CCR7: variants seen among roughly 807,000 people sequenced by gnomAD.
The protein encoded by CCR7 is C-C chemokine receptor type 7.
CCR7 carries 11 observed loss-of-function variants against 26.0 expected under a neutral mutation model. That is an observed-to-expected ratio of 0.42 (90% CI 0.27 to 0.70). The LOEUF (loss-of-function observed/expected upper bound fraction) is 0.70, where lower values mean the gene tolerates loss of function less well. CCR7 is among the 30% of genes least tolerant of loss of function. CCR7 has a pLI of 0.23. For synonymous variants in CCR7, 189 were observed against 202.1 expected (o/e 0.94, Z 0.55); for missense variants, 360 against 504.0 (o/e 0.71, Z 2.74).
intron 1 of CCR7, among the ~76,000 whole-genome samples, chr17:40,563,394 T>C (rs1190301611): frequency 7.9e-5 from 12 of 152,218 alleles, no homozygotes; most frequent in Non-Finnish European, 1.5e-4. Context: ...GTTCATTTTT[T>C]CCTTGCTTTG....
rs375301390 is a variant in CCR7, at chr17:40,555,119, G to A, written c.760C>T (p.Arg254Cys). ...ATGGCCTTGTTGCGCTCAAAGTTGC[G>A]TGCCTGGAGCAGGGTGCGGATGATG... Reference protein sequence around the residue: ...LVIIRTLLQARNFERNKAIKV... With the variant: ...LVIIRTLLQACNFERNKAIKV... Residue 254 changes from arginine to cysteine, a missense_variant, in exon 3 of 3, where the codon CGC becomes TGC. Arg to Cys is a radical substitution (Grantham distance 180, BLOSUM62 -3). Transcript: ENST00000246657. The surrounding 1 kb of genome is among the most constrained non-coding windows in gnomAD (Gnocchi z 5.6). 6 of 1,613,994 alleles carry A rather than the reference G, an allele frequency of 3.7e-6. No homozygotes were observed. The East Asian group carries it at 8.9e-5, about 24-fold the overall frequency.
rs1426858957 is a variant in CCR7 at position 40,555,550 on chromosome 17, G to A, written c.329C>T (p.Thr110Ile). ...CGCGCTGTAGGCCCAGAAGGGAAGG[G>A]TCAGGAGGAAGAGGATGTCTGCCAC... ...LAVADILFLL[T>I]LPFWAYSAAK... Residue 110 changes from threonine (T) to isoleucine (I), a missense_variant, in exon 3 of 3, where the codon ACC becomes ATC. Coordinates refer to ENST00000246657, the MANE Select transcript of CCR7 (RefSeq NM_001838.4). This position sits in a 1 kb window ranked among gnomAD's most constrained non-coding sequence, Gnocchi z 5.6. 7 of 1,614,134 alleles carry A rather than the reference G, an allele frequency of 4.3e-6. No homozygotes were observed. The highest frequency in any genetic ancestry group is 5.9e-6 in the Non-Finnish European group (7 of 1,180,030).
chr17:40,561,582 C>T (rs1199861942), intron 1 of CCR7, among the ~76,000 whole-genome samples: 4 of 152,072 alleles, frequency 2.6e-5, no homozygotes, highest in Middle Eastern at 3.2e-3. Flanking sequence ...GAACTCCAAC[C>T]GGAGCCCCCA....
At chr17:40,565,288 C>A in intron 1 of CCR7, 112 bp downstream of exon 1, 1 of 937,182 alleles carries the variant, frequency 1.1e-6, no homozygotes, top group Non-Finnish European at 1.8e-6. Flanking sequence ...CTGATTTCTC[C>A]AGGAAGCACC....
At position 40,555,068 on chromosome 17, in the gene CCR7, C is replaced by A. The variant is rs941995546; in HGVS notation, c.811G>T (p.Val271Phe). 6.2e-7 allele frequency: 1 copy of A among 1,614,160 alleles called. No homozygotes were observed. Residue 271 changes from valine to phenylalanine, a missense_variant, in exon 3 of 3, where the codon GTC becomes TTC. Physicochemically the swap from Val to Phe is conservative, Grantham distance 50. Transcript: ENST00000246657. The surrounding 1 kb of genome is among the most constrained non-coding windows in gnomAD (Gnocchi z 5.6). Reference protein sequence around the residue: ...AIKVIIAVVVVFIVFQLPYNG... With the variant: ...AIKVIIAVVVFFIVFQLPYNG... ...TAGGGCAGCTGGAAGACTATGAAGA[C>A]CACGACCACAGCGATGATCACCTTG...
chr17:40,554,794 C>T lies in CCR7; in HGVS notation c.1085G>A (p.Arg362Gln), dbSNP rs761014378. 5.0e-5 allele frequency: 80 copies of T among 1,613,970 alleles called. No individual in the cohort carries two copies. Among genetic ancestry groups the T allele is most frequent in the South Asian group, 1.2e-4 (11 of 91,074 alleles). ...GGCCTCCACACTCATGGAGGAGCGC[C>T]GGATGTGCCGACAGGAAGACCACTG... is the stretch of plus-strand genomic sequence containing the variant. ...LRQWSSCRHI[R>Q]RSSMSVEAET... The change falls in exon 3 of 3, where the codon CGG becomes CAG. Residue 362 changes from arginine to glutamine, a missense_variant. By Grantham distance (43) the Arg-to-Gln change is conservative (BLOSUM62 1). Coordinates refer to ENST00000246657, the MANE Select transcript of CCR7 (RefSeq NM_001838.4).
rs2036571291 is a variant in CCR7 at position 40,555,292 on chromosome 17, T to C, written c.587A>G (p.Tyr196Cys). 3 of 1,614,068 alleles carry C rather than the reference T, an allele frequency of 1.9e-6. No homozygotes were observed. Among genetic ancestry groups the C allele is most frequent in the African/African-American group, 1.3e-5 (1 of 74,922 alleles). ...ATVLSIPELL[Y>C]SDLQRSSSEQ... ...ACTGCTGCTCCTCTGGAGGTCACTGTACAGGAGCTCTGGGATGGAGAGCAC... is the reference window on the plus strand; with the variant it reads ...ACTGCTGCTCCTCTGGAGGTCACTGCACAGGAGCTCTGGGATGGAGAGCAC... Residue 196 changes from tyrosine to cysteine, a missense_variant, in exon 3 of 3, where the codon TAC becomes TGC. By Grantham distance (194) the Tyr-to-Cys change is radical. Transcript: ENST00000246657. The surrounding 1 kb of genome is among the most constrained non-coding windows in gnomAD (Gnocchi z 5.6).
At chr17:40,564,576 G>A (rs1464022068) in intron 1 of CCR7, among the ~76,000 whole-genome samples, 1 of 152,220 alleles carries the variant, frequency 6.6e-6, no homozygotes, top group African/African-American at 2.4e-5. Context: ...GTCTGGAGCT[G>A]GATGAACCAC....
chr17:40,555,042 G>C lies in CCR7; in HGVS notation c.837C>G (p.Tyr279Ter). 1 of 1,614,226 alleles carries C rather than the reference G, an allele frequency of 6.2e-7. No homozygotes were observed. Among genetic ancestry groups the C allele is most frequent in the South Asian group, 1.1e-5 (1 of 91,082 alleles). ...VVVFIVFQLP[Y>*]NGVVLAQTVA... ...CCGTCTGGGCCAGGACCACCCCATT[G>C]TAGGGCAGCTGGAAGACTATGAAGA... Residue 279 changes from tyrosine to a stop codon, truncating the protein, a stop_gained, in exon 3 of 3, where the codon TAC becomes TAG. Transcript: ENST00000246657. LOFTEE classifies it high-confidence loss of function. This position sits in a 1 kb window ranked among gnomAD's most constrained non-coding sequence, Gnocchi z 5.6.
At chr17:40,563,706 C>T (rs919829303) in intron 1 of CCR7, among the ~76,000 whole-genome samples, 1 of 152,112 alleles carries the variant, frequency 6.6e-6, no homozygotes, top group Non-Finnish European at 1.5e-5. Context: ...GGGGCTCTCT[C>T]AAGTTGAGTG....
intron 1 of CCR7, 39 bp from the exon 2 acceptor site, chr17:40,558,981 G>A (rs371359979): frequency 6.4e-7 from 1 of 1,563,436 alleles, no homozygotes; most frequent in South Asian, 1.2e-5. Context: ...GCTTGGCAGG[G>A]ACAAGTCTTT....
intron 2 of CCR7, among the ~76,000 whole-genome samples, chr17:40,556,206 C>A (rs554652943): frequency 1.4e-4 from 21 of 152,144 alleles, no homozygotes; most frequent in African/African-American, 5.1e-4. Flanking sequence ...AATTCTCAGG[C>A]CCCACCTGAG....
chr17:40,561,232 T>G (rs1189792012), intron 1 of CCR7, among the ~76,000 whole-genome samples: 1 of 151,744 alleles, frequency 6.6e-6, no homozygotes, highest in Non-Finnish European at 1.5e-5. Flanking sequence ...GGGAGGGGAG[T>G]TGGGGGAGTG....
At chr17:40,557,795 C>T (rs2036608161) in intron 2 of CCR7, among the ~76,000 whole-genome samples, 1 of 152,216 alleles carries the variant, frequency 6.6e-6, no homozygotes, top group Admixed American at 6.5e-5. Flanking sequence ...ACTGCCTCTG[C>T]AGCCCACAGC....
chr17:40,562,080 G>A (rs935961927), intron 1 of CCR7, among the ~76,000 whole-genome samples: 4 of 152,246 alleles, frequency 2.6e-5, no homozygotes, highest in African/African-American at 7.2e-5. Flanking sequence ...CTGAAACACA[G>A]CAAGTAACTT....
intron 1 of CCR7, among the ~76,000 whole-genome samples, chr17:40,560,421 A>C (rs1430266438): frequency 2.0e-5 from 3 of 152,182 alleles, no homozygotes; most frequent in Non-Finnish European, 4.4e-5. Context: ...GTGAGAGCCC[A>C]GCGCTTCCGT....
chr17:40,556,544 A>T (rs1344748482), intron 2 of CCR7, among the ~76,000 whole-genome samples: 1 of 150,250 alleles, frequency 6.7e-6, no homozygotes, highest in Non-Finnish European at 1.5e-5. Context: ...TCTCTCTCTC[A>T]GAGCCTCAGT....
At chr17:40,565,123 C>T (rs915201615) in intron 1 of CCR7, among the ~76,000 whole-genome samples, 8 of 152,100 alleles carry the variant, frequency 5.3e-5, no homozygotes, top group Admixed American at 5.2e-4. Context: ...TCTTATGTCC[C>T]TGCTGTTTTA....
intron 1 of CCR7, 51 bp from the exon 2 acceptor site, chr17:40,558,993 T>C (rs747608043): frequency 6.6e-7 from 1 of 1,509,522 alleles, no homozygotes; most frequent in Non-Finnish European, 9.1e-7. Context: ...CAAGTCTTTG[T>C]TATTAAAGAA....
Sources: allele counts gnomAD v4.1 joint callset (sites outside exome capture counted in the v4.1 genomes callset), GRCh38; gene constraint gnomAD v4.1.1; non-coding constraint Gnocchi (gnomAD v3.1); transcripts MANE v1.5; gene names NCBI Gene and HGNC (gene_info 2026-07-23, HGNC 2026-07-21).